The following RASEF variants were observed in gnomAD, a reference collection of about 807,000 sequenced individuals.
The protein encoded by RASEF is ras and EF-hand domain-containing protein.
Under a neutral mutation model 90.1 loss-of-function variants are expected in RASEF, and 68 were observed. That is an observed-to-expected ratio of 0.75 (90% CI 0.62 to 0.92). RASEF has a LOEUF of 0.92. Among genes scored for constraint, RASEF ranks in the 40% least tolerant of loss-of-function variants. The pLI is 0.00. For missense variants in RASEF, 949 were observed against 937.2 expected, an observed-to-expected ratio of 1.01 and a Z score of -0.16; for synonymous variants, 331 against 345.2, an observed-to-expected ratio of 0.96 and a Z score of 0.46.
rs962153675 is a variant in RASEF, at chr9:82,981,211, T to A, written c.*1466A>T. The stretch of plus-strand genomic sequence containing the variant: ...ATGAAGCAAGGTAAATTAGAATCTT[T>A]TGTTGTAGCCCACCCTAGGCTCAAG... On this transcript the variant is annotated 3_prime_UTR_variant, in exon 17 of 17. Transcript: ENST00000376447. The A allele has an allele frequency of 6.6e-6, 1 of 152,194 alleles. No individual in the cohort carries two copies. Among genetic ancestry groups the A allele is most frequent in the Non-Finnish European group, 1.5e-5 (1 of 68,032 alleles). The allele number at this position is 152,194 out of a possible 1,614,324, so 9.4% of individuals were successfully genotyped here.
At chr9:83,198,343 T>C in the RASEF span, among the ~76,000 whole-genome samples, 1 of 152,182 alleles carries the variant, frequency 6.6e-6, no homozygotes, top group Non-Finnish European at 1.5e-5. Context: ...CTCTTTCTCT[T>C]TACTGTCTAA....
the RASEF span, among the ~76,000 whole-genome samples, chr9:83,121,402 T>C: frequency 2.6e-5 from 4 of 152,190 alleles, no homozygotes; most frequent in African/African-American, 9.7e-5. Context: ...AGGGAATCTA[T>C]TGCTTTCATC....
intron 1 of RASEF, among the ~76,000 whole-genome samples, chr9:83,049,529 C>CCTTTTT (rs1491413147): frequency 1.0e-5 from 1 of 99,084 alleles, no homozygotes; most frequent in African/African-American, 4.3e-5. Flanking sequence ...TTCTGCCTTC[C>CCTTTTT]TTTTTTTTTT....
the RASEF span, among the ~76,000 whole-genome samples, chr9:83,206,688 G>C: frequency 9.2e-5 from 14 of 152,186 alleles, no homozygotes; most frequent in Non-Finnish European, 2.1e-4. Flanking sequence ...CAGCGAGTAC[G>C]TGATGAAGCC....
At chr9:83,142,948 T>C in the RASEF span, among the ~76,000 whole-genome samples, 12 of 152,184 alleles carry the variant, frequency 7.9e-5, no homozygotes, top group Admixed American at 7.9e-4. Flanking sequence ...TATGATGTTA[T>C]GGGATCCCGA....
At chr9:83,059,660 T>C (rs1453741295) in intron 1 of RASEF, among the ~76,000 whole-genome samples, 1 of 152,128 alleles carries the variant, frequency 6.6e-6, no homozygotes, top group East Asian at 1.9e-4. Context: ...TTTCTTGGCC[T>C]GGTAGCACCT....
At chr9:83,196,888 A>C in the RASEF span, among the ~76,000 whole-genome samples, 1 of 152,256 alleles carries the variant, frequency 6.6e-6, no homozygotes, top group African/African-American at 2.4e-5. Flanking sequence ...ACACTGTCAG[A>C]ACCATTAAAT....
chr9:83,004,455 G>A (rs1829092395), intron 9 of RASEF, 43 bp downstream of exon 9: 1 of 1,200,578 alleles, frequency 8.3e-7, no homozygotes, highest in East Asian at 2.3e-5. Flanking sequence ...CCTTTTAACT[G>A]TGATTCTGAA....
At chr9:83,092,752 G>T in the RASEF span, among the ~76,000 whole-genome samples, 2 of 152,258 alleles carry the variant, frequency 1.3e-5, no homozygotes, top group East Asian at 3.9e-4. Context: ...CCTGCTGATT[G>T]GTAGAGCCCA....
the RASEF span, among the ~76,000 whole-genome samples, chr9:83,195,987 G>C: frequency 6.6e-6 from 1 of 152,116 alleles, no homozygotes; most frequent in Non-Finnish European, 1.5e-5. Context: ...AGGCCAGAGA[G>C]AATGGCAACT....
At chr9:83,020,341 G>C (rs1434330857) in intron 3 of RASEF, among the ~76,000 whole-genome samples, 2 of 152,190 alleles carry the variant, frequency 1.3e-5, no homozygotes, top group Non-Finnish European at 2.9e-5. Flanking sequence ...AGGCCACTGG[G>C]CCAGGGCTGG....
intron 16 of RASEF, among the ~76,000 whole-genome samples, chr9:82,990,085 C>T (rs1008806201): frequency 1.4e-4 from 22 of 152,166 alleles, no homozygotes; most frequent in African/African-American, 5.1e-4. Flanking sequence ...ATAATAGTCC[C>T]TTGTGTATAA....
At chr9:83,208,999 C>T in the RASEF span, among the ~76,000 whole-genome samples, 2 of 152,192 alleles carry the variant, frequency 1.3e-5, no homozygotes, top group South Asian at 4.1e-4. Flanking sequence ...GACTCAGCTT[C>T]TGTGCCTCAG....
chr9:82,993,068 G>A, intron 14 of RASEF, 43 bp from the exon 15 acceptor site: 1 of 1,595,962 alleles, frequency 6.3e-7, no homozygotes, highest in Non-Finnish European at 8.5e-7. Flanking sequence ...TCAAACACTG[G>A]ACACATTACG....
At chr9:82,988,354 G>A (rs1020021929) in intron 16 of RASEF, among the ~76,000 whole-genome samples, 1 of 152,124 alleles carries the variant, frequency 6.6e-6, no homozygotes, top group African/African-American at 2.4e-5. Flanking sequence ...ATTAGTCCAT[G>A]ATTCTCCTAC....
chr9:83,040,636 T>G (rs574974771), intron 1 of RASEF, among the ~76,000 whole-genome samples: 58 of 152,344 alleles, frequency 3.8e-4, no homozygotes, highest in African/African-American at 1.4e-3. Context: ...CAATAGCAAA[T>G]ATATTTCCTG....
intron 14 of RASEF, among the ~76,000 whole-genome samples, chr9:82,995,659 T>A (rs1212541073): frequency 6.6e-6 from 1 of 152,146 alleles, no homozygotes; most frequent in Admixed American, 6.5e-5. Flanking sequence ...TTGCCCAGAC[T>A]GATCTCAAAC....
the RASEF span, among the ~76,000 whole-genome samples, chr9:83,163,993 G>GA: frequency 3.9e-5 from 5 of 127,434 alleles, no homozygotes; most frequent in African/African-American, 1.5e-4. Context: ...TCTTACTTGA[G>GA]AGGAAAAAAA....
At chr9:83,160,404 T>TG in the RASEF span, among the ~76,000 whole-genome samples, 1 of 152,294 alleles carries the variant, frequency 6.6e-6, no homozygotes, top group South Asian at 2.1e-4. Flanking sequence ...GCAGAGAGAC[T>TG]GGTAGCATTT....
Sources: allele counts gnomAD v4.1 joint callset (sites outside exome capture counted in the v4.1 genomes callset), GRCh38; gene constraint gnomAD v4.1.1; transcripts MANE v1.5; gene names NCBI Gene and HGNC (gene_info 2026-07-23, HGNC 2026-07-21).